MPHOSPH8: variants seen among roughly 807,000 people sequenced by gnomAD.
MPHOSPH8 encodes M-phase phosphoprotein 8, also known as M-phase phosphoprotein, mpp.
MPHOSPH8 carries 45 observed loss-of-function variants against 87.3 expected under a neutral mutation model. That is an observed-to-expected ratio of 0.52 (90% CI 0.41 to 0.66). MPHOSPH8 has a LOEUF of 0.66. Among genes scored for constraint, MPHOSPH8 ranks in the 30% least tolerant of loss-of-function variants. The pLI, the probability that MPHOSPH8 is intolerant of heterozygous loss-of-function variation, is 0.00. For synonymous variants in MPHOSPH8, 366 were observed against 376.9 expected (o/e 0.97, Z 0.33); for missense variants, 883 against 1,020.2 (o/e 0.87, Z 1.83).
At chr13:19,636,361 G>A (rs954692882) in intron 1 of MPHOSPH8, among the ~76,000 whole-genome samples, 3 of 152,078 alleles carry the variant, frequency 2.0e-5, no homozygotes, top group Admixed American at 6.6e-5. Context: ...CTAACTATAT[G>A]TATGAATAAT....
intron 1 of MPHOSPH8, among the ~76,000 whole-genome samples, chr13:19,637,571 C>G (rs879832521): frequency 6.6e-6 from 1 of 151,918 alleles, no homozygotes; most frequent in African/African-American, 2.4e-5. Flanking sequence ...AAAATCCACC[C>G]GCCTCGGCCT....
chr13:19,671,097 A>AT, intron 12 of MPHOSPH8, 109 bp from the exon 13 acceptor site: 1 of 1,484,542 alleles, frequency 6.7e-7, no homozygotes. Flanking sequence ...ATCTTGACTT[A>AT]TGAAATAAAA....
In MPHOSPH8 at chr13:19,666,318, G is replaced by A. The variant is rs564712827; in HGVS notation, c.2020-107G>A. 3.7e-4 allele frequency: 445 copies of A among 1,193,910 alleles called. 1 individual carries two copies. The highest frequency in any genetic ancestry group is 6.2e-4 in the Middle Eastern group (3 of 4,872). The allele number at this position is 1,193,910 out of a possible 1,614,324, so 74.0% of individuals were successfully genotyped here. Reference sequence around the variant, plus strand: ...AAAAGTTCTCTATCCTTCTTCCATGGCCTGTGCCCTCTCTTCACAGAACCG... The same window carrying A: ...AAAAGTTCTCTATCCTTCTTCCATGACCTGTGCCCTCTCTTCACAGAACCG... On this transcript the variant is annotated intron_variant, in intron 9 of 13. Coordinates refer to ENST00000361479, the MANE Select transcript of MPHOSPH8 (RefSeq NM_017520.4).
At chr13:19,669,991 G>A (rs189196119) in intron 11 of MPHOSPH8, among the ~76,000 whole-genome samples, 3 of 152,266 alleles carry the variant, frequency 2.0e-5, no homozygotes, top group East Asian at 1.9e-4. Context: ...AAAATCATAC[G>A]TAAGTCTTTT....
chr13:19,659,885 GTTGTCCCAT>G (rs2137532670), intron 7 of MPHOSPH8, among the ~76,000 whole-genome samples: 1 of 151,470 alleles, frequency 6.6e-6, no homozygotes, highest in Non-Finnish European at 1.5e-5. Flanking sequence ...TTCTTTGATG[GTTGTCCCAT>G]TTACAACAAT....
intron 5 of MPHOSPH8, among the ~76,000 whole-genome samples, chr13:19,655,027 T>G (rs1875075531): frequency 6.6e-6 from 1 of 152,086 alleles, no homozygotes; most frequent in African/African-American, 2.4e-5. Context: ...ATTAGCAAAT[T>G]TAATCTGGCC....
At position 19,633,825 on chromosome 13, in the gene MPHOSPH8, A is replaced by T. The variant is rs1335997647; in HGVS notation, c.77A>T (p.Glu26Val). The T allele has an allele frequency of 6.2e-7, 1 of 1,610,452 alleles. No individual in the cohort carries two copies. Among genetic ancestry groups the T allele is most frequent in the African/African-American group, 1.3e-5 (1 of 75,038 alleles). ...SAADSTEELA[E>V]VEEGVGVVGE... ...GCCGACAGCACTGAGGAGTTGGCCG[A>T]AGTCGAAGAAGGAGTTGGAGTAGTG... The change falls in exon 1 of 14, where the codon GAA (glutamate) becomes GTA (valine). Residue 26 changes from glutamate (E) to valine (V), a missense_variant. Physicochemically the swap from Glu to Val is moderately radical, Grantham distance 121. Transcript: ENST00000361479.
chr13:19,668,713 C>T (rs150021135), intron 11 of MPHOSPH8, among the ~76,000 whole-genome samples, 182 bp downstream of exon 11: 1 of 152,272 alleles, frequency 6.6e-6, no homozygotes, highest in East Asian at 1.9e-4. Flanking sequence ...ACACCCCATC[C>T]CTGTTTTAAC....
intron 5 of MPHOSPH8, among the ~76,000 whole-genome samples, chr13:19,656,302 T>C (rs1235083350): frequency 1.1e-5 from 1 of 87,642 alleles, no homozygotes; most frequent in East Asian, 4.5e-4. Context: ...AAAAAAAAAC[T>C]GTCGTCATCA....
chr13:19,648,327 C>G, intron 3 of MPHOSPH8, 95 bp from the exon 4 acceptor site: 1 of 703,716 alleles, frequency 1.4e-6, no homozygotes, highest in Non-Finnish European at 2.4e-6. Flanking sequence ...AAGGGTGATT[C>G]CCTGAAGCCA....
chr13:19,667,926 G>T (rs1174550714), intron 10 of MPHOSPH8, among the ~76,000 whole-genome samples: 1 of 152,280 alleles, frequency 6.6e-6, no homozygotes, highest in Non-Finnish European at 1.5e-5. Context: ...GGGCCTCTGG[G>T]ACCGCGCCTG....
At chr13:19,636,005 G>C (rs1873987049) in intron 1 of MPHOSPH8, among the ~76,000 whole-genome samples, 1 of 152,154 alleles carries the variant, frequency 6.6e-6, no homozygotes, top group Non-Finnish European at 1.5e-5. Flanking sequence ...GAAGGTGCCT[G>C]CTTCTCCTTT....
Position 19,650,161 on chromosome 13 carries a change from A to G in MPHOSPH8, c.1477A>G (p.Arg493Gly). 1 of 1,614,214 alleles carries G rather than the reference A, an allele frequency of 6.2e-7. No individual in the cohort carries two copies. Among genetic ancestry groups the G allele is most frequent in the Non-Finnish European group, 8.5e-7 (1 of 1,180,046 alleles). The change falls in exon 5 of 14, where the codon AGG becomes GGG. Residue 493 changes from arginine (R) to glycine (G), a missense_variant. By Grantham distance (125) the Arg-to-Gly change is moderately radical. Transcript: ENST00000361479. ...GGAAAACAAACAGTCACTTAAAGAA[A>G]GGAGAAACACCAGAGACGAAACGGA... ...TKENKQSLKE[R>G]RNTRDETDTW...
chr13:19,633,693 G>C lies in MPHOSPH8; in HGVS notation c.-56G>C. Reference sequence around the variant, plus strand: ...TAGGGCCGAGCGCGGAACGCGAGGGGCTGCTGGGGTGTTTGTCGCAGCGGG... The same window carrying C: ...TAGGGCCGAGCGCGGAACGCGAGGGCCTGCTGGGGTGTTTGTCGCAGCGGG... On this transcript the variant is annotated 5_prime_UTR_variant, in exon 1 of 14. Coordinates refer to ENST00000361479, the MANE Select transcript of MPHOSPH8 (RefSeq NM_017520.4). 6.5e-7 allele frequency: 1 copy of C among 1,538,668 alleles called. No individual in the cohort carries two copies.
rs1205405332 is a variant in MPHOSPH8 at position 19,648,443 on chromosome 13, G to A, written c.1240G>A (p.Glu414Lys). 2 of 1,591,930 alleles carry A rather than the reference G, an allele frequency of 1.3e-6. No individual in the cohort carries two copies. Among genetic ancestry groups the A allele is most frequent in the Non-Finnish European group, 1.7e-6 (2 of 1,169,836 alleles). ...TCAGGACAAAGAAACCAAAAGAAAT[G>A]AATCCAAAGAAAAATATCAGAAAAG... Reference protein sequence around the residue: ...AEEDKETKRNESKEKYQKRHD... With the variant: ...AEEDKETKRNKSKEKYQKRHD... Residue 414 changes from glutamate to lysine, a missense_variant, in exon 4 of 14, where the codon GAA (glutamate) becomes AAA (lysine). Around this residue, in one of 3 missense-constraint regions of MPHOSPH8, gnomAD observed 741 missense variants for 841.5 expected, o/e 0.88. Coordinates refer to ENST00000361479, the MANE Select transcript of MPHOSPH8 (RefSeq NM_017520.4).
rs920234820 is a variant in MPHOSPH8 at position 19,654,486 on chromosome 13, C to T, written c.1576+4226C>T. 3.3e-5 allele frequency among the ~76,000 whole-genome samples: 5 copies of T among 152,066 alleles called. 1 individual carries two copies. The highest frequency in any genetic ancestry group is 4.8e-5 in the African/African-American group (2 of 41,396). On this transcript the variant is annotated intron_variant, in intron 5 of 13. Transcript: ENST00000361479. Reference sequence around the variant, plus strand: ...GAACTTATAGTAATAAAAAAAAGAACGTGGAATAATAAAAACAGCCTCATA... The same window carrying T: ...GAACTTATAGTAATAAAAAAAAGAATGTGGAATAATAAAAACAGCCTCATA...
intron 12 of MPHOSPH8, chr13:19,670,739 T>A (rs1876074695): frequency 8.4e-7 from 1 of 1,189,112 alleles, no homozygotes; most frequent in Non-Finnish European, 1.1e-6. Context: ...TACTGTATAT[T>A]GCTGGGGGCA....
intron 11 of MPHOSPH8, among the ~76,000 whole-genome samples, chr13:19,669,132 C>T (rs1195011268): frequency 1.3e-5 from 2 of 152,154 alleles, no homozygotes; most frequent in Non-Finnish European, 2.9e-5. Flanking sequence ...ACATATAGCC[C>T]TGCCCCTGAA....
At position 19,636,095 on chromosome 13, in the gene MPHOSPH8, A is replaced by C. The variant is rs570156919; in HGVS notation, c.213+2134A>C. On this transcript the variant is annotated intron_variant, in intron 1 of 13. Transcript: ENST00000361479. Reference sequence around the variant, plus strand: ...GTCAATTAAGCCTCTTTCCTTTATAAATTACCCAGTCTCAGGTATTTCTTC... The same window carrying C: ...GTCAATTAAGCCTCTTTCCTTTATACATTACCCAGTCTCAGGTATTTCTTC... Among the ~76,000 whole-genome samples the C allele has an allele frequency of 1.2e-3, 178 of 152,292 alleles. 1 individual carries two copies. Among genetic ancestry groups the C allele is most frequent in the Middle Eastern group, 0.01 (3 of 294 alleles).
Sources: allele counts gnomAD v4.1 joint callset (sites outside exome capture counted in the v4.1 genomes callset), GRCh38; gene constraint gnomAD v4.1.1; regional missense constraint gnomAD v4.1.1; transcripts MANE v1.5; gene names NCBI Gene and HGNC (gene_info 2026-07-23, HGNC 2026-07-21).